The following IFFO1 variants were observed in gnomAD, a reference collection of about 807,000 sequenced individuals.
The protein encoded by IFFO1 is intermediate filament family orphan 1.
In IFFO1, 42 loss-of-function variants were observed where a neutral mutation model predicts 59.6. That is an observed-to-expected ratio of 0.70 (90% CI 0.55 to 0.91). The LOEUF (loss-of-function observed/expected upper bound fraction) is 0.91, where lower values mean the gene tolerates loss of function less well. IFFO1 is among the 40% of genes least tolerant of loss of function. The pLI, the probability that IFFO1 is intolerant of heterozygous loss-of-function variation, is 0.00. For synonymous variants in IFFO1, 336 were observed against 342.8 expected, an observed-to-expected ratio of 0.98 and a Z score of 0.22; for missense variants, 711 against 793.2, an observed-to-expected ratio of 0.90 and a Z score of 1.24.
Position 6,540,485 on chromosome 12 carries a change from ATCTC to A in IFFO1, c.1710_1713del (p.Met570IlefsTer65). On this transcript the variant is annotated frameshift_variant, in exon 10 of 10. Coordinates refer to ENST00000619571, the MANE Select transcript of IFFO1 (RefSeq NM_001193457.2). LOFTEE classifies it high-confidence loss of function. ...GGGTGCAAGGGGGAGGCAGGTCTCT[ATCTC>A]ATGGAGCTGTCAGATGAGACATCGC... 3 of 1,612,832 alleles carry A rather than the reference ATCTC, an allele frequency of 1.9e-6. No individual in the cohort carries two copies. Among genetic ancestry groups the A allele is most frequent in the Non-Finnish European group, 2.5e-6 (3 of 1,178,876 alleles).
Position 6,548,653 on chromosome 12 carries a change from G to C in IFFO1, c.1262+15C>G. The C allele has an allele frequency of 1.9e-6, 3 of 1,614,044 alleles. No individual in the cohort carries two copies. The highest frequency in any genetic ancestry group is 2.5e-6 in the Non-Finnish European group (3 of 1,179,980). ...TGTGGCGTCGGTGCTGCGGGAGCAC[G>C]GCCTGCGGACTCACAGCTGGTTGAG... On this transcript the variant is annotated intron_variant, in intron 6 of 9. Coordinates refer to ENST00000619571, the MANE Select transcript of IFFO1 (RefSeq NM_001193457.2). This position sits in a 1 kb window ranked among gnomAD's most constrained non-coding sequence, Gnocchi z 6.1.
intron 1 of IFFO1, among the ~76,000 whole-genome samples, chr12:6,552,516 T>C (rs1199499243): frequency 6.6e-6 from 1 of 152,226 alleles, no homozygotes; most frequent in Non-Finnish European, 1.5e-5. Flanking sequence ...AAGACCCTTA[T>C]CTTTTCTGGG....
Position 6,549,132 on chromosome 12 carries a change from T to A in IFFO1, c.1081-283A>T. The A allele has an allele frequency of 1.9e-6, 1 of 534,846 alleles. No individual in the cohort carries two copies. The highest frequency in any genetic ancestry group is 3.1e-5 in the East Asian group (1 of 32,400). The allele number at this position is 534,846 out of a possible 1,614,324, so 33.1% of individuals were successfully genotyped here. On this transcript the variant is annotated intron_variant, in intron 5 of 9. Coordinates refer to ENST00000619571, the MANE Select transcript of IFFO1 (RefSeq NM_001193457.2). This position sits in a 1 kb window ranked among gnomAD's most constrained non-coding sequence, Gnocchi z 5.0. ...CGCTGGGGCTGCAGTCAGATGTGCA[T>A]GATGGCTCAAGAGGAAATTTTTTTC...
At chr12:6,546,383 A>G (rs1946963961) in intron 8 of IFFO1, among the ~76,000 whole-genome samples, 1 of 152,184 alleles carries the variant, frequency 6.6e-6, no homozygotes, top group Non-Finnish European at 1.5e-5. Context: ...GAGCGTCGGG[A>G]AAGGACCACC....
rs1225005609 is a variant in IFFO1, at chr12:6,549,149, AT to A, written c.1081-301del. ...GATGTGCATGATGGCTCAAGAGGAAATTTTTTTCTAAAAAAAGTCTTTTTGA... is the reference window on the plus strand; with the variant it reads ...GATGTGCATGATGGCTCAAGAGGAAATTTTTTCTAAAAAAAGTCTTTTTGA... On this transcript the variant is annotated intron_variant, in intron 5 of 9. Transcript: ENST00000619571. This position sits in a 1 kb window ranked among gnomAD's most constrained non-coding sequence, Gnocchi z 5.0. 8 of 501,460 alleles carry A rather than the reference AT, an allele frequency of 1.6e-5. 1 individual carries two copies. In the South Asian group the frequency reaches 2.5e-4, roughly 16 times the overall value. 31.1% of individuals were successfully genotyped at this position (501,460 alleles called of 1,614,324 possible). A position where few individuals can be genotyped will look rare whatever the true frequency, so the allele number is the denominator to read the frequency against.
intron 1 of IFFO1, among the ~76,000 whole-genome samples, chr12:6,554,008 A>C (rs1430290229): frequency 6.6e-6 from 1 of 151,944 alleles, no homozygotes; most frequent in Non-Finnish European, 1.5e-5. Flanking sequence ...CTAAAATTGC[A>C]CTTGTTCACC....
intron 8 of IFFO1, among the ~76,000 whole-genome samples, chr12:6,542,103 G>A (rs1295885663): frequency 6.6e-6 from 1 of 152,174 alleles, no homozygotes; most frequent in Non-Finnish European, 1.5e-5. Context: ...AGACCTCGAA[G>A]GGAATTAACT....
Position 6,540,451 on chromosome 12 carries a change from G to C in IFFO1, c.*32C>G, listed in dbSNP as rs200124228. On this transcript the variant is annotated 3_prime_UTR_variant, in exon 10 of 10. Transcript: ENST00000619571. ...TCTGCCTCGCTGAGCTCCCTGCTGC[G>C]AGGGCCTCGGGTGCAAGGGGGAGGC... is the stretch of plus-strand genomic sequence containing the variant. 1.9e-6 allele frequency: 3 copies of C among 1,548,750 alleles called. No individual in the cohort carries two copies. Among genetic ancestry groups the C allele is most frequent in the Non-Finnish European group, 2.7e-6 (3 of 1,120,756 alleles).
intron 8 of IFFO1, among the ~76,000 whole-genome samples, chr12:6,547,368 G>A (rs1947011016): frequency 2.0e-5 from 3 of 151,532 alleles, no homozygotes; most frequent in African/African-American, 7.3e-5. Flanking sequence ...GGCCTGGAGT[G>A]ACAGAGCAAG....
In IFFO1 at chr12:6,548,091, A is replaced by C. The variant is rs765852371; in HGVS notation, c.1453T>G (p.Tyr485Asp). The change falls in exon 8 of 10, where the codon TAT (tyrosine) becomes GAT (aspartate). Residue 485 changes from tyrosine (Y) to aspartate (D), a missense_variant. Tyr to Asp is a radical substitution (Grantham distance 160). Transcript: ENST00000619571. This position sits in a 1 kb window ranked among gnomAD's most constrained non-coding sequence, Gnocchi z 6.1. ...ESLFKTREKEYQETIDQIELE... is the reference protein window; with the variant it reads ...ESLFKTREKEDQETIDQIELE... The stretch of plus-strand genomic sequence containing the variant: ...TCTATCTGGTCAATGGTCTCCTGAT[A>C]CTCCTTCTCCCGGGTTTTGAACAGG... The C allele has an allele frequency of 1.2e-6, 2 of 1,612,172 alleles. No homozygotes were observed. Among genetic ancestry groups the C allele is most frequent in the South Asian group, 1.1e-5 (1 of 91,030 alleles).
At chr12:6,539,118 ACTCCCGGGC>A (rs1254422779), downstream of IFFO1, 1 of 151,924 alleles carries the variant, frequency 6.6e-6, no homozygotes, top group Non-Finnish European at 1.5e-5. Flanking sequence ...TTGGGCAGTT[ACTCCCGGGC>A]CTCACTTTGC....
chr12:6,550,316 C>T, intron 3 of IFFO1: 1 of 380,170 alleles, frequency 2.6e-6, no homozygotes, highest in South Asian at 4.0e-5. Context: ...TGGGCACTGT[C>T]CCGAGTACAT....
At position 6,549,435 on chromosome 12, in the gene IFFO1, G is replaced by A; in HGVS notation, c.1080+41C>T. The A allele has an allele frequency of 6.2e-7, 1 of 1,612,950 alleles. No individual in the cohort carries two copies. Among genetic ancestry groups the A allele is most frequent in the Non-Finnish European group, 8.5e-7 (1 of 1,179,010 alleles). ...AGGAGGCCTAGGCAGCTTAGAAACT[G>A]GGACTGGGACATTAATAAGCTTGCG... On this transcript the variant is annotated intron_variant, in intron 5 of 9. Coordinates refer to ENST00000619571, the MANE Select transcript of IFFO1 (RefSeq NM_001193457.2). The surrounding 1 kb of genome is among the most constrained non-coding windows in gnomAD (Gnocchi z 5.0).
At chr12:6,546,735 C>T (rs1011682810) in intron 8 of IFFO1, among the ~76,000 whole-genome samples, 3 of 152,120 alleles carry the variant, frequency 2.0e-5, no homozygotes, top group Admixed American at 6.5e-5. Context: ...GTGATCTTCC[C>T]GCCTCGGCCT....
At position 6,549,889 on chromosome 12, in the gene IFFO1, G is replaced by C. The variant is rs370232005; in HGVS notation, c.938C>G (p.Ser313Trp). The change falls in exon 4 of 10, where the codon TCG becomes TGG. Residue 313 changes from serine (S) to tryptophan (W), a missense_variant. Transcript: ENST00000619571. The surrounding 1 kb of genome is among the most constrained non-coding windows in gnomAD (Gnocchi z 5.0). ...CTCCTGGATCTTGGTGTCCAGCTCCGACAGGTTCTGTCCAGGGAGCCCAGG... is the reference window on the plus strand; with the variant it reads ...CTCCTGGATCTTGGTGTCCAGCTCCCACAGGTTCTGTCCAGGGAGCCCAGG... ...VFKGLMSNNL[S>W]ELDTKIQEKA... The C allele has an allele frequency of 1.2e-6, 2 of 1,613,636 alleles. No individual in the cohort carries two copies. The highest frequency in any genetic ancestry group is 1.7e-5 in the Admixed American group (1 of 60,010).
chr12:6,548,664 TCA>T lies in IFFO1; in HGVS notation c.1262+2_1262+3del, dbSNP rs1947083714. 2 of 1,614,076 alleles carry T rather than the reference TCA, an allele frequency of 1.2e-6. No homozygotes were observed. Among genetic ancestry groups the T allele is most frequent in the Non-Finnish European group, 1.7e-6 (2 of 1,180,006 alleles). The stretch of plus-strand genomic sequence containing the variant: ...TGCTGCGGGAGCACGGCCTGCGGAC[TCA>T]CAGCTGGTTGAGCATGCGCTGCATC... On this transcript the variant is annotated splice_donor_variant and splice_donor_region_variant and intron_variant, in intron 6 of 9. Coordinates refer to ENST00000619571, the MANE Select transcript of IFFO1 (RefSeq NM_001193457.2). LOFTEE classifies it high-confidence loss of function. This position sits in a 1 kb window ranked among gnomAD's most constrained non-coding sequence, Gnocchi z 6.1.
intron 1 of IFFO1, chr12:6,551,420 T>C: frequency 7.7e-7 from 1 of 1,299,476 alleles, no homozygotes; most frequent in South Asian, 1.2e-5. Flanking sequence ...AGATCCGGGC[T>C]CCCGCCTCCT....
Position 6,549,798 on chromosome 12 carries a change from C to G in IFFO1, c.1029G>C (p.Val343=). 1 of 1,614,198 alleles carries G rather than the reference C, an allele frequency of 6.2e-7. No homozygotes were observed. Among genetic ancestry groups the G allele is most frequent in the Non-Finnish European group, 8.5e-7 (1 of 1,180,012 alleles). The stretch of plus-strand genomic sequence containing the variant: ...TGTCCTCGCAGTTGCGCTGCTGAGC[C>G]ACATCGCAGAGCTTGGCGGTGATGT... The part of the protein sequence containing the change: ...RIDITAKLCD[V]AQQRNCEDMI... The change falls in exon 4 of 10, where the codon GTG becomes GTC. Residue 343 remains valine (V), a synonymous_variant. Transcript: ENST00000619571. The surrounding 1 kb of genome is among the most constrained non-coding windows in gnomAD (Gnocchi z 5.0).
At chr12:6,550,557 TA>T in intron 3 of IFFO1, 137 bp downstream of exon 3, 1 of 625,456 alleles carries the variant, frequency 1.6e-6, no homozygotes, top group Non-Finnish European at 2.8e-6. Context: ...TAGGGGTGGC[TA>T]GGGGAAAAAG....
Sources: gnomAD v4.1 joint callset for allele counts (sites outside exome capture counted in the v4.1 genomes callset) on GRCh38, gnomAD v4.1.1 for gene constraint, Gnocchi (gnomAD v3.1) non-coding constraint, MANE v1.5 for transcripts, NCBI Gene and HGNC (gene_info 2026-07-23, HGNC 2026-07-21) for gene names.